Variants in DPF3 observed in about 807,000 individuals in gnomAD.
DPF3 encodes zinc finger protein DPF3.
Under a neutral mutation model 56.8 loss-of-function variants are expected in DPF3, and 18 were observed. The observed-to-expected ratio is 0.32, with a 90% CI of 0.22 to 0.47. The LOEUF (loss-of-function observed/expected upper bound fraction) is 0.47. Ranked by LOEUF, DPF3 falls within the 20% of genes least tolerant of loss-of-function variation. The pLI, the probability that DPF3 is intolerant of heterozygous loss-of-function variation, is 1.00. For synonymous variants in DPF3, 188 were observed against 180.2 expected (o/e 1.04, Z -0.35); for missense variants, 403 against 488.8 (o/e 0.82, Z 1.65).
At chr14:72,826,012 G>T (rs1489658446) in intron 1 of DPF3, among the ~76,000 whole-genome samples, 1 of 151,936 alleles carries the variant, frequency 6.6e-6, no homozygotes, top group Non-Finnish European at 1.5e-5. Context: ...GCAGGGGCGG[G>T]AAAGGAAGGG....
chr14:72,813,989 A>G (rs745545180), intron 1 of DPF3, among the ~76,000 whole-genome samples: 3 of 152,138 alleles, frequency 2.0e-5, no homozygotes, highest in African/African-American at 4.8e-5. Flanking sequence ...CGCCCAGTAC[A>G]TGGTTTCTTG....
chr14:72,735,284 G>A (rs1049419538), intron 3 of DPF3, among the ~76,000 whole-genome samples: 4 of 152,064 alleles, frequency 2.6e-5, no homozygotes, highest in African/African-American at 9.7e-5. Flanking sequence ...TGCTCTATAC[G>A]ATCATCCCCG....
At chr14:72,798,903 C>A (rs1322156026) in intron 1 of DPF3, among the ~76,000 whole-genome samples, 1 of 152,228 alleles carries the variant, frequency 6.6e-6, no homozygotes, top group Non-Finnish European at 1.5e-5. Context: ...GGGCTTACTG[C>A]CCTCTCCTAA....
chr14:72,626,446 A>G (rs528011724), intron 9 of DPF3, among the ~76,000 whole-genome samples: 1 of 152,042 alleles, frequency 6.6e-6, no homozygotes, highest in South Asian at 2.1e-4. Flanking sequence ...TAGATATTCT[A>G]TTTTACTTTG....
rs987809530 is a variant in DPF3 at position 72,617,123 on chromosome 14, G to A, written c.*2174C>T. On this transcript the variant is annotated 3_prime_UTR_variant, in exon 11 of 11. Transcript: ENST00000556509. ...GCTTGTGTAGGCAGAGCAGACATGG[G>A]GCTGAGATCGAACAGGGCTGCCCTA... 2.6e-5 allele frequency among the ~76,000 whole-genome samples: 4 copies of A among 152,148 alleles called. No homozygotes were observed. The highest frequency in any genetic ancestry group is 7.2e-5 in the African/African-American group (3 of 41,432).
chr14:72,879,643 CAAACCGCCTGCCCAGAGG>C (rs1211547889), intron 1 of DPF3, among the ~76,000 whole-genome samples: 4 of 152,060 alleles, frequency 2.6e-5, no homozygotes, highest in East Asian at 1.9e-4. Context: ...GGAGGACAAT[CAAACCGCCTGCCCAGAGG>C]AAACCGCCTG....
At chr14:72,752,297 T>TG (rs1331612923) in intron 3 of DPF3, among the ~76,000 whole-genome samples, 1 of 152,154 alleles carries the variant, frequency 6.6e-6, no homozygotes, top group Non-Finnish European at 1.5e-5. Context: ...GCTAAGGGCC[T>TG]GGGGTAATCA....
At chr14:72,695,287 A>G (rs2153573257) in intron 6 of DPF3, among the ~76,000 whole-genome samples, 2 of 152,328 alleles carry the variant, frequency 1.3e-5, no homozygotes, top group East Asian at 3.9e-4. Context: ...CACATAATAG[A>G]TGTTCAATAA....
intron 1 of DPF3, among the ~76,000 whole-genome samples, chr14:72,791,187 G>A (rs1481297074): frequency 2.6e-5 from 4 of 151,960 alleles, no homozygotes; most frequent in African/African-American, 7.3e-5. Context: ...GTCCCTGCCC[G>A]CAGTTTTGAA....
chr14:72,641,387 A>G (rs1885560533), intron 8 of DPF3, among the ~76,000 whole-genome samples: 1 of 152,202 alleles, frequency 6.6e-6, no homozygotes. Flanking sequence ...TCTGATGTAG[A>G]TTCTGGGGCC....
In DPF3 at chr14:72,612,764, T is replaced by A. The variant is rs771441311; in HGVS notation, c.*6533A>T. The A allele has an allele frequency of 2.7e-6, 1 of 366,604 alleles. No individual in the cohort carries two copies. Among genetic ancestry groups the A allele is most frequent in the African/African-American group, 2.1e-5 (1 of 47,044 alleles). The allele number at this position is 366,604 out of a possible 1,614,324, so 22.7% of individuals were successfully genotyped here. A position where few individuals can be genotyped will look rare whatever the true frequency, so the allele number is the denominator to read the frequency against. On this transcript the variant is annotated 3_prime_UTR_variant, in exon 11 of 11. Coordinates refer to ENST00000556509, the MANE Select transcript of DPF3 (RefSeq NM_001280542.3). Reference sequence around the variant, plus strand: ...CCCAACTATTGCCAAATATCTTTCATGAAAAGAAGCATAGGTGAACGAAGG... The same window carrying A: ...CCCAACTATTGCCAAATATCTTTCAAGAAAAGAAGCATAGGTGAACGAAGG...
At position 72,614,785 on chromosome 14, in the gene DPF3, A is replaced by AAAAAAAAAAAG. The variant is rs1883984579; in HGVS notation, c.*4511_*4512insCTTTTTTTTTT. On this transcript the variant is annotated 3_prime_UTR_variant, in exon 11 of 11. Transcript: ENST00000556509. The stretch of plus-strand genomic sequence containing the variant: ...CAGGATCACAAGCCTCAGAAAAAAA[A>AAAAAAAAAAAG]AAAAGAGTTACAATCACTGTTCACT... Among the ~76,000 whole-genome samples the AAAAAAAAAAAG allele has an allele frequency of 6.6e-6, 1 of 150,860 alleles. No individual in the cohort carries two copies. The highest frequency in any genetic ancestry group is 2.4e-5 in the African/African-American group (1 of 41,038).
At chr14:72,709,317 G>C (rs750628031) in intron 6 of DPF3, among the ~76,000 whole-genome samples, 3 of 152,160 alleles carry the variant, frequency 2.0e-5, no homozygotes, top group Admixed American at 2.0e-4. Context: ...AGTGAGTCAT[G>C]CTTCTAGGAG....
At chr14:72,783,545 T>C (rs1892077222) in intron 1 of DPF3, among the ~76,000 whole-genome samples, 1 of 152,220 alleles carries the variant, frequency 6.6e-6, no homozygotes, top group Non-Finnish European at 1.5e-5. Context: ...TGGCCCTTTC[T>C]GCCCAACACA....
At chr14:72,837,847 CCAGA>C (rs1884363667) in intron 1 of DPF3, among the ~76,000 whole-genome samples, 3 of 152,334 alleles carry the variant, frequency 2.0e-5, no homozygotes, top group South Asian at 4.1e-4. Context: ...AGCTGAGAGA[CCAGA>C]CAGTTCGTCT....
chr14:72,642,410 C>T (rs1159507153), intron 8 of DPF3, among the ~76,000 whole-genome samples: 2 of 152,218 alleles, frequency 1.3e-5, no homozygotes, highest in African/African-American at 4.8e-5. Context: ...CAGTGAGGCC[C>T]AGCACTGGGC....
rs865788215 is a variant in DPF3, at chr14:72,790,700, G to A, written c.33-18807C>T. 2.6e-5 allele frequency among the ~76,000 whole-genome samples: 4 copies of A among 152,206 alleles called. No homozygotes were observed. The South Asian group carries it at 8.3e-4, about 32-fold the overall frequency. Reference sequence around the variant, plus strand: ...ACCCCCATTCTGTCAGTCCCCCTGAGTCCATGATATTAAGCATTCTGCCTC... The same window carrying A: ...ACCCCCATTCTGTCAGTCCCCCTGAATCCATGATATTAAGCATTCTGCCTC... On this transcript the variant is annotated intron_variant, in intron 1 of 10. Transcript: ENST00000556509.
At chr14:72,813,242 C>T (rs1246548276) in intron 1 of DPF3, among the ~76,000 whole-genome samples, 3 of 152,042 alleles carry the variant, frequency 2.0e-5, no homozygotes, top group Admixed American at 2.0e-4. Context: ...GAATTCCTTC[C>T]GGGAGCCGTC....
intron 8 of DPF3, among the ~76,000 whole-genome samples, chr14:72,638,087 G>A (rs1885437203): frequency 6.6e-6 from 1 of 152,232 alleles, no homozygotes; most frequent in Non-Finnish European, 1.5e-5. Context: ...GATCTGGGAT[G>A]AGCTAGGTTG....
Sources: gnomAD v4.1 joint callset for allele counts (sites outside exome capture counted in the v4.1 genomes callset) on GRCh38, gnomAD v4.1.1 for gene constraint, MANE v1.5 for transcripts, NCBI Gene and HGNC (gene_info 2026-07-23, HGNC 2026-07-21) for gene names.